Variants in DLG2 observed in about 807,000 individuals in gnomAD.
DLG2 encodes the protein discs large MAGUK scaffold protein 2, also known as disks large homolog 2.
Under a neutral mutation model 132.5 loss-of-function variants are expected in DLG2, and 45 were observed. That is an observed-to-expected ratio of 0.34 (90% CI 0.27 to 0.44). The LOEUF is 0.44. Ranked by LOEUF, DLG2 falls within the 20% of genes least tolerant of loss-of-function variation. DLG2 has a pLI of 1.00. For missense variants in DLG2, 1,045 were observed against 1,196.9 expected (o/e 0.87, Z 1.87); for synonymous variants, 424 against 419.6 (o/e 1.01, Z -0.13).
intron 3 of DLG2, among the ~76,000 whole-genome samples, chr11:85,590,368 T>C (rs1343030459): frequency 6.6e-6 from 1 of 152,086 alleles, no homozygotes; most frequent in Non-Finnish European, 1.5e-5. Flanking sequence ...ACAAATACCA[T>C]AGAAACATAA....
intron 6 of DLG2, among the ~76,000 whole-genome samples, chr11:85,039,144 G>T (rs140040971): frequency 1.3e-4 from 20 of 151,888 alleles, no homozygotes; most frequent in African/African-American, 4.1e-4. Context: ...TGGAATTGCT[G>T]CTTTGCCTCC....
At chr11:83,981,736 C>T (rs1003730176) in intron 11 of DLG2, among the ~76,000 whole-genome samples, 1 of 152,120 alleles carries the variant, frequency 6.6e-6, no homozygotes, top group Non-Finnish European at 1.5e-5. Flanking sequence ...CACGTCCTGC[C>T]AAAAACTTTA....
intron 6 of DLG2, among the ~76,000 whole-genome samples, chr11:84,632,467 A>G (rs1269370245): frequency 1.3e-5 from 2 of 152,214 alleles, no homozygotes. Flanking sequence ...GTTTGAGAGT[A>G]GAGTGAAACT....
intron 18 of DLG2, among the ~76,000 whole-genome samples, chr11:83,727,218 T>C (rs1350189750): frequency 6.6e-6 from 1 of 152,112 alleles, no homozygotes; most frequent in Non-Finnish European, 1.5e-5. Flanking sequence ...CATTCCCTGG[T>C]TGAGATTGCC....
At chr11:84,113,977 A>G (rs1595540983) in intron 9 of DLG2, among the ~76,000 whole-genome samples, 1 of 152,122 alleles carries the variant, frequency 6.6e-6, no homozygotes, top group Admixed American at 6.5e-5. Flanking sequence ...ATGTCCTATA[A>G]AGATATGAGA....
At chr11:84,477,779 A>G (rs2099125702) in intron 7 of DLG2, among the ~76,000 whole-genome samples, 1 of 152,224 alleles carries the variant, frequency 6.6e-6, no homozygotes, top group South Asian at 2.1e-4. Flanking sequence ...AAATAGAGAC[A>G]TACGAGAATC....
Position 84,334,880 on chromosome 11 carries a change from G to A in DLG2, c.520-83589C>T, listed in dbSNP as rs531766418. On this transcript the variant is annotated intron_variant, in intron 7 of 27. Transcript: ENST00000376104. Reference sequence around the variant, plus strand: ...CTTGAGAAAGTGACATTTCGGCTGAGAAAGCTGATGTCTATGAAAGTAAAA... The same window carrying A: ...CTTGAGAAAGTGACATTTCGGCTGAAAAAGCTGATGTCTATGAAAGTAAAA... Among the ~76,000 whole-genome samples the A allele has an allele frequency of 3.3e-5, 5 of 152,248 alleles. No homozygotes were observed. In the South Asian group the frequency reaches 1.0e-3, roughly 32 times the overall value.
intron 16 of DLG2, among the ~76,000 whole-genome samples, chr11:83,863,182 T>C (rs1018215194): frequency 1.3e-5 from 2 of 152,214 alleles, no homozygotes; most frequent in Admixed American, 6.5e-5. Context: ...AGCTAGCACA[T>C]AATGTGCATG....
chr11:85,084,125 A>G (rs2067594504), intron 6 of DLG2, among the ~76,000 whole-genome samples: 1 of 152,198 alleles, frequency 6.6e-6, no homozygotes, highest in South Asian at 2.1e-4. Flanking sequence ...TATGTGGGAT[A>G]AAGTGATTTT....
intron 6 of DLG2, among the ~76,000 whole-genome samples, chr11:84,998,989 A>ATG (rs2154129707): frequency 6.6e-6 from 1 of 150,738 alleles, no homozygotes; most frequent in South Asian, 2.1e-4. Context: ...ATATATATAT[A>ATG]TTTTATTTCT....
At chr11:84,023,302 C>T (rs967366362) in intron 11 of DLG2, among the ~76,000 whole-genome samples, 1 of 152,070 alleles carries the variant, frequency 6.6e-6, no homozygotes, top group Non-Finnish European at 1.5e-5. Context: ...AATCAAAAGT[C>T]GAAGTCATGC....
intron 10 of DLG2, among the ~76,000 whole-genome samples, chr11:84,091,771 T>G (rs2097097185): frequency 6.6e-6 from 1 of 152,226 alleles, no homozygotes; most frequent in Non-Finnish European, 1.5e-5. Context: ...CGAGGCTGCA[T>G]GCACTGATGT....
intron 18 of DLG2, among the ~76,000 whole-genome samples, chr11:83,633,696 A>G (rs1227069193): frequency 2.0e-5 from 3 of 148,926 alleles, no homozygotes; most frequent in East Asian, 2.1e-4. Context: ...TCTTGCCTGC[A>G]CGGTGGATAT....
At chr11:85,435,095 G>A (rs1235300879) in intron 3 of DLG2, among the ~76,000 whole-genome samples, 1 of 152,124 alleles carries the variant, frequency 6.6e-6, no homozygotes, top group South Asian at 2.1e-4. Flanking sequence ...TGCAGGAAAG[G>A]TCTTTAATAA....
intron 18 of DLG2, chr11:83,682,262 A>G (rs1157606455): frequency 1.0e-6 from 1 of 985,282 alleles, no homozygotes; most frequent in Non-Finnish European, 1.2e-6. Flanking sequence ...TCCGGTTCAC[A>G]CTTGCCTTTA....
intron 21 of DLG2, among the ~76,000 whole-genome samples, chr11:83,494,874 T>C (rs891042461): frequency 6.6e-6 from 1 of 152,138 alleles, no homozygotes; most frequent in Non-Finnish European, 1.5e-5. Context: ...CCAAATGAGA[T>C]AGGCCACATG....
intron 9 of DLG2, among the ~76,000 whole-genome samples, chr11:84,109,461 T>C (rs2093205885): frequency 2.0e-5 from 3 of 152,176 alleles, no homozygotes; most frequent in Non-Finnish European, 4.4e-5. Context: ...GCTGGGTGGA[T>C]TGAGTCAGAA....
chr11:85,265,613 T>G (rs2077168063), intron 4 of DLG2, among the ~76,000 whole-genome samples: 1 of 152,212 alleles, frequency 6.6e-6, no homozygotes, highest in African/African-American at 2.4e-5. Flanking sequence ...CAGCCCAAAG[T>G]GAGAACTTCT....
intron 4 of DLG2, among the ~76,000 whole-genome samples, chr11:85,269,340 A>G (rs974752930): frequency 6.6e-6 from 1 of 152,318 alleles, no homozygotes; most frequent in East Asian, 1.9e-4. Context: ...AGAGATTCCA[A>G]ATTAGATTGG....
Sources: allele counts gnomAD v4.1 joint callset (sites outside exome capture counted in the v4.1 genomes callset), GRCh38; gene constraint gnomAD v4.1.1; transcripts MANE v1.5; gene names NCBI Gene and HGNC (gene_info 2026-07-23, HGNC 2026-07-21).